The following GATA4 variants were observed in gnomAD, a reference collection of about 807,000 sequenced individuals.
GATA4 encodes transcription factor GATA-4.
In GATA4, 7 loss-of-function variants were observed where a neutral mutation model predicts 37.9. The ratio of observed to expected loss-of-function variants is 0.18; its 90% confidence interval spans 0.11 to 0.35. GATA4 has a LOEUF of 0.35. Ranked by LOEUF, GATA4 falls within the 10% of genes least tolerant of loss-of-function variation. The pLI is 1.00. For synonymous variants in GATA4, 372 were observed against 292.6 expected, an observed-to-expected ratio of 1.27 and a Z score of -2.77; for missense variants, 647 against 653.0, an observed-to-expected ratio of 0.99 and a Z score of 0.10.
chr8:11,694,839 T>G (rs979371831), intron 1 of GATA4, among the ~76,000 whole-genome samples: 3 of 152,054 alleles, frequency 2.0e-5, no homozygotes, highest in Non-Finnish European at 4.4e-5. Context: ...ACAATCTCTC[T>G]CCTCTCTCTC....
At chr8:11,722,943 C>T (rs1273342561) in intron 2 of GATA4, among the ~76,000 whole-genome samples, 2 of 152,224 alleles carry the variant, frequency 1.3e-5, no homozygotes, top group African/African-American at 2.4e-5. Context: ...AGGCAGGATA[C>T]ATGCCTGCTA....
At chr8:11,710,616 G>A (rs1800136336) in intron 2 of GATA4, among the ~76,000 whole-genome samples, 1 of 150,284 alleles carries the variant, frequency 6.7e-6, no homozygotes, top group African/African-American at 2.5e-5. Context: ...CTTGAACCCG[G>A]GAGGCAGAAG....
chr8:11,747,447 A>G (rs1417104858), intron 2 of GATA4, among the ~76,000 whole-genome samples: 1 of 152,212 alleles, frequency 6.6e-6, no homozygotes. Context: ...GGGAGATGCT[A>G]CGCTTATGTG....
chr8:11,758,272 C>T (rs201193206), intron 6 of GATA4, 21 bp from the exon 7 acceptor site: 42 of 1,613,830 alleles, frequency 2.6e-5, no homozygotes, highest in African/African-American at 1.3e-4. Context: ...TGGGCCTCAT[C>T]GTGTGCTTTC....
At chr8:11,716,277 A>G (rs930166137) in intron 2 of GATA4, among the ~76,000 whole-genome samples, 1 of 152,184 alleles carries the variant, frequency 6.6e-6, no homozygotes, top group Non-Finnish European at 1.5e-5. Flanking sequence ...CAGATACATG[A>G]TATTCATGAA....
At chr8:11,743,927 G>A (rs1376512975) in intron 2 of GATA4, among the ~76,000 whole-genome samples, 2 of 152,196 alleles carry the variant, frequency 1.3e-5, no homozygotes, top group Admixed American at 6.5e-5. Flanking sequence ...GAAGTGAAGA[G>A]TGAGATCCCC....
At chr8:11,722,179 A>G (rs1800706313) in intron 2 of GATA4, among the ~76,000 whole-genome samples, 1 of 151,634 alleles carries the variant, frequency 6.6e-6, no homozygotes, top group South Asian at 2.1e-4. Context: ...AAAATTTCAA[A>G]CATAATAAAA....
intron 4 of GATA4, among the ~76,000 whole-genome samples, chr8:11,750,468 T>C (rs2130315048): frequency 6.6e-6 from 1 of 152,340 alleles, no homozygotes; most frequent in East Asian, 1.9e-4. Flanking sequence ...GTTTGATGTG[T>C]AACAAAGGTG....
At chr8:11,713,621 C>T (rs1036917638) in intron 2 of GATA4, among the ~76,000 whole-genome samples, 5 of 150,078 alleles carry the variant, frequency 3.3e-5, no homozygotes, top group Non-Finnish European at 7.4e-5. Flanking sequence ...ATGACTGTGT[C>T]CAAATTTCTG....
upstream of GATA4, chr8:11,692,140 G>A (rs1048857138): frequency 4.5e-6 from 3 of 671,276 alleles, no homozygotes; most frequent in Non-Finnish European, 5.5e-6. Context: ...CCAGCCTAAT[G>A]GCCTCAGGTA....
intron 2 of GATA4, among the ~76,000 whole-genome samples, chr8:11,739,486 A>C (rs79753962): frequency 0.014 from 2,079 of 147,656 alleles, 113 homozygotes; most frequent in African/African-American, 0.051. Context: ...ATATACATCC[A>C]TCATATATGA....
At chr8:11,720,045 C>G (rs535462536) in intron 2 of GATA4, among the ~76,000 whole-genome samples, 1 of 152,136 alleles carries the variant, frequency 6.6e-6, no homozygotes, top group South Asian at 2.1e-4. Context: ...AAGATCCCAG[C>G]AGCCGCAGGG....
chr8:11,726,546 G>C (rs1800932832), intron 2 of GATA4, among the ~76,000 whole-genome samples: 1 of 152,154 alleles, frequency 6.6e-6, no homozygotes, highest in African/African-American at 2.4e-5. Flanking sequence ...GACTCTGAGG[G>C]CTAAGGGCTG....
intron 5 of GATA4, chr8:11,756,687 G>T: frequency 1.7e-6 from 1 of 574,990 alleles, no homozygotes; most frequent in Non-Finnish European, 3.1e-6. Context: ...AGTTGAATGA[G>T]GAAGAATCTT....
At chr8:11,679,954 G>T (rs183298878) in intron 1 of GATA4, among the ~76,000 whole-genome samples, 1 of 152,262 alleles carries the variant, frequency 6.6e-6, no homozygotes, top group African/African-American at 2.4e-5. Context: ...TTTGCACTGG[G>T]GTTTTGTTTC....
chr8:11,712,814 T>C (rs983785850), intron 2 of GATA4, among the ~76,000 whole-genome samples: 1 of 152,044 alleles, frequency 6.6e-6, no homozygotes, highest in Admixed American at 6.6e-5. Context: ...TGAGCCGTGA[T>C]TGCACCACTG....
rs1331416104 is a variant in GATA4 at position 11,708,645 on chromosome 8, G to A, written c.333G>A (p.Pro111=). ...PPPVSPRFSF[P]GTTGSLAAAA... ...CGGTGTCGCCGCGCTTCTCCTTCCC[G>A]GGGACCACCGGGTCCCTGGCGGCCG... Residue 111 remains proline, a synonymous_variant, in exon 2 of 7, where the codon CCG becomes CCA. Coordinates refer to ENST00000532059, the MANE Select transcript of GATA4 (RefSeq NM_001308093.3). This position sits in a 1 kb window ranked among gnomAD's most constrained non-coding sequence, Gnocchi z 6.7. 2.0e-5 allele frequency: 26 copies of A among 1,326,402 alleles called. 1 individual carries two copies. In the South Asian group the frequency reaches 5.4e-4, roughly 27 times the overall value. 82.2% of individuals were successfully genotyped at this position (1,326,402 alleles called of 1,614,324 possible). A position where few individuals can be genotyped will look rare whatever the true frequency, so the allele number is the denominator to read the frequency against.
rs1799917715 is a variant in GATA4, at chr8:11,707,023, T to C, written c.-457-833T>C. 6.6e-6 allele frequency among the ~76,000 whole-genome samples: 1 copy of C among 152,208 alleles called. No individual in the cohort carries two copies. Among genetic ancestry groups the C allele is most frequent in the South Asian group, 2.1e-4 (1 of 4,830 alleles). ...ACTGCTCTTTCCCCAAGCACCCACC[T>C]TGGTGTTATGATTCTGCTTATGGGT... On this transcript the variant is annotated intron_variant, in intron 1 of 6. Coordinates refer to ENST00000532059, the MANE Select transcript of GATA4 (RefSeq NM_001308093.3). The surrounding 1 kb of genome is among the most constrained non-coding windows in gnomAD (Gnocchi z 4.7).
intron 1 of GATA4, among the ~76,000 whole-genome samples, chr8:11,684,562 C>A (rs1233703396): frequency 6.6e-6 from 1 of 152,182 alleles, no homozygotes; most frequent in Non-Finnish European, 1.5e-5. Context: ...AGTTTAGACT[C>A]CAGTATTAGA....
Sources: gnomAD v4.1 joint callset for allele counts (sites outside exome capture counted in the v4.1 genomes callset) on GRCh38, gnomAD v4.1.1 for gene constraint, Gnocchi (gnomAD v3.1) non-coding constraint, MANE v1.5 for transcripts, NCBI Gene and HGNC (gene_info 2026-07-23, HGNC 2026-07-21) for gene names.